MAST3: variants seen among roughly 807,000 people sequenced by gnomAD.
MAST3 encodes microtubule associated serine/threonine kinase 3, also known as microtubule-associated serine/threonine-protein kinase 3.
MAST3 carries 43 observed loss-of-function variants against 127.0 expected under a neutral mutation model. The ratio of observed to expected loss-of-function variants is 0.34; its 90% CI spans 0.27 to 0.44. MAST3 has a LOEUF of 0.44. MAST3 is among the 20% of genes least tolerant of loss of function. MAST3 has a pLI of 1.00. For missense variants in MAST3, 1,390 were observed against 1,919.1 expected (o/e 0.72, Z 5.15); for synonymous variants, 785 against 809.2 (o/e 0.97, Z 0.51).
At chr19:18,116,379 G>A (rs371379699) in intron 3 of MAST3, among the ~76,000 whole-genome samples, 11 of 150,614 alleles carry the variant, frequency 7.3e-5, no homozygotes, top group Non-Finnish European at 1.2e-4. Context: ...TGCAACCTCC[G>A]CCTCCTGGGT....
At chr19:18,099,766 A>G (rs1250749589) in intron 1 of MAST3, among the ~76,000 whole-genome samples, 1 of 152,218 alleles carries the variant, frequency 6.6e-6, no homozygotes, top group Non-Finnish European at 1.5e-5. Flanking sequence ...GCCCAGAGGC[A>G]TGTAGCCTTT....
At chr19:18,102,753 T>C (rs2037753579) in intron 1 of MAST3, among the ~76,000 whole-genome samples, 1 of 151,960 alleles carries the variant, frequency 6.6e-6, no homozygotes, top group Non-Finnish European at 1.5e-5. Context: ...GTGCTGGGAT[T>C]ACAGGCGTGA....
In MAST3 at chr19:18,122,700, G is replaced by A. The variant is rs376256018; in HGVS notation, c.348G>A (p.Ala116=). 5.6e-4 allele frequency: 904 copies of A among 1,613,458 alleles called. 13 individuals are homozygous for A. In the South Asian group the frequency reaches 7.8e-3, roughly 14 times the overall value. Residue 116 remains alanine (A), a synonymous_variant, in exon 6 of 28, where the codon GCG becomes GCA. Transcript: ENST00000687212. Reference sequence around the variant, plus strand: ...CAGACGGCAGAAGATGGTCCCTCGCGTCTCTCCCATCTTCCGGCTATGGAA... The same window carrying A: ...CAGACGGCAGAAGATGGTCCCTCGCATCTCTCCCATCTTCCGGCTATGGAA... ...RRADGRRWSL[A]SLPSSGYGTN... is the part of the protein sequence containing the mutation.
At chr19:18,122,839 A>G in intron 6 of MAST3, 88 bp downstream of exon 6, 2 of 1,346,890 alleles carry the variant, frequency 1.5e-6, no homozygotes, top group Non-Finnish European at 2.1e-6. Flanking sequence ...AAGGTGTTGG[A>G]TAGTTGTGCA....
At chr19:18,113,189 G>A (rs1737839838) in intron 3 of MAST3, among the ~76,000 whole-genome samples, 1 of 152,154 alleles carries the variant, frequency 6.6e-6, no homozygotes, top group African/African-American at 2.4e-5. Context: ...ACATTGCCTT[G>A]GGCCTGGCGG....
At chr19:18,128,752 G>T in intron 12 of MAST3, 114 bp from the exon 13 acceptor site, 1 of 812,500 alleles carries the variant, frequency 1.2e-6, no homozygotes, top group Non-Finnish European at 2.0e-6. Flanking sequence ...GGAGAAGTTT[G>T]GACAGGGGAG....
chr19:18,129,940 A>AAGC (rs2041084709), intron 13 of MAST3, among the ~76,000 whole-genome samples: 1 of 34,688 alleles, frequency 2.9e-5, no homozygotes, highest in Non-Finnish European at 8.1e-5. Context: ...AAAAAAAAGG[A>AAGC]AAGAAAGAAA....
intron 1 of MAST3, among the ~76,000 whole-genome samples, chr19:18,106,966 A>ATTTTTTTTTT (rs60298417): frequency 1.5e-4 from 11 of 73,946 alleles, no homozygotes; most frequent in Non-Finnish European, 2.0e-4. Flanking sequence ...ATGCCCAGCA[A>ATTTTTTTTTT]TTTTTTTTTT....
chr19:18,126,499 T>C (rs1458503648), intron 11 of MAST3, among the ~76,000 whole-genome samples: 1 of 152,134 alleles, frequency 6.6e-6, no homozygotes, highest in Admixed American at 6.5e-5. Flanking sequence ...AGGCCCGGCA[T>C]GGTAGCTCAC....
In MAST3 at chr19:18,141,704, G is replaced by A. The variant is rs576223329; in HGVS notation, c.2206-178G>A. Among the ~76,000 whole-genome samples the A allele has an allele frequency of 6.4e-4, 97 of 151,694 alleles. 1 individual carries two copies. Among genetic ancestry groups the A allele is most frequent in the African/African-American group, 2.2e-3 (92 of 41,366 alleles). On this transcript the variant is annotated intron_variant, in intron 20 of 27. Transcript: ENST00000687212. Reference sequence around the variant, plus strand: ...AGCTTTCTTGCCACCTTTGTTACTGGTTTTTTTGTTTGGGTTTCTTTTTTT... The same window carrying A: ...AGCTTTCTTGCCACCTTTGTTACTGATTTTTTTGTTTGGGTTTCTTTTTTT...
chr19:18,102,673 G>A (rs904733938), intron 1 of MAST3, among the ~76,000 whole-genome samples: 5 of 152,166 alleles, frequency 3.3e-5, no homozygotes, highest in African/African-American at 1.2e-4. Context: ...GTAGAGACGG[G>A]GTTTCACTAT....
intron 8 of MAST3, 88 bp from the exon 9 acceptor site, chr19:18,123,851 C>A: frequency 3.1e-6 from 4 of 1,303,728 alleles, no homozygotes; most frequent in Non-Finnish European, 4.2e-6. Flanking sequence ...CATCTCCTCT[C>A]TCCCCAACCA....
chr19:18,107,835 G>A (rs2038193710), intron 2 of MAST3, among the ~76,000 whole-genome samples: 1 of 152,206 alleles, frequency 6.6e-6, no homozygotes. Flanking sequence ...AAGCTGAGGT[G>A]CAAAGGGGTT....
At chr19:18,126,094 C>T (rs1281474717) in intron 11 of MAST3, among the ~76,000 whole-genome samples, 1 of 151,720 alleles carries the variant, frequency 6.6e-6, no homozygotes, top group Non-Finnish European at 1.5e-5. Flanking sequence ...TAGTAGTGCG[C>T]GCCTGTAGTC....
At chr19:18,130,369 TG>T in intron 13 of MAST3, 124 bp from the exon 14 acceptor site, 1 of 790,176 alleles carries the variant, frequency 1.3e-6, no homozygotes. Context: ...GGAGAATGGG[TG>T]GCCCAGGTGG....
intron 2 of MAST3, among the ~76,000 whole-genome samples, chr19:18,108,362 T>C (rs1034352220): frequency 4.6e-5 from 7 of 151,904 alleles, no homozygotes; most frequent in Admixed American, 3.9e-4. Context: ...TTTTTTTTTT[T>C]TTGTTTTGCT....
chr19:18,145,728 C>T lies in MAST3; in HGVS notation c.3040-15C>T. 1 of 1,572,666 alleles carries T rather than the reference C, an allele frequency of 6.4e-7. No homozygotes were observed. The highest frequency in any genetic ancestry group is 8.6e-7 in the Non-Finnish European group (1 of 1,164,288). ...GGCCCAGGCCATTGACCCCACCGTT[C>T]TCGTCTGCCCCCAGAGTGTGGAGGA... On this transcript the variant is annotated splice_polypyrimidine_tract_variant and intron_variant, in intron 24 of 27. Coordinates refer to ENST00000687212, the MANE Select transcript of MAST3 (RefSeq NM_001393504.1). The surrounding 1 kb of genome is among the most constrained non-coding windows in gnomAD (Gnocchi z 5.9).
chr19:18,126,507 C>A (rs372372370), intron 11 of MAST3, among the ~76,000 whole-genome samples: 65 of 152,282 alleles, frequency 4.3e-4, no homozygotes, highest in African/African-American at 1.5e-3. Flanking sequence ...CATGGTAGCT[C>A]ACACTTGTAA....
chr19:18,113,746 G>A (rs1486917074), intron 3 of MAST3, among the ~76,000 whole-genome samples: 2 of 152,176 alleles, frequency 1.3e-5, no homozygotes, highest in Non-Finnish European at 2.9e-5. Flanking sequence ...ACAAGCGTGA[G>A]CCACTGCGCC....
Sources: gnomAD v4.1 joint callset for allele counts (sites outside exome capture counted in the v4.1 genomes callset) on GRCh38, gnomAD v4.1.1 for gene constraint, Gnocchi (gnomAD v3.1) non-coding constraint, MANE v1.5 for transcripts, NCBI Gene and HGNC (gene_info 2026-07-23, HGNC 2026-07-21) for gene names.